SEC24A: variants seen among roughly 807,000 people sequenced by gnomAD.
The protein encoded by SEC24A is protein transport protein Sec24A.
In SEC24A, 93 loss-of-function variants were observed where a neutral mutation model predicts 129.4. That is an observed-to-expected ratio of 0.72 (90% confidence interval 0.61 to 0.85). The LOEUF is 0.85. SEC24A is among the 40% of genes least tolerant of loss of function. The probability of loss-of-function intolerance (pLI) is 0.00; values close to 1 mark genes in which losing one functional copy is unlikely to be tolerated. For missense variants in SEC24A, 1,264 were observed against 1,307.4 expected, an observed-to-expected ratio of 0.97 and a Z score of 0.51; for synonymous variants, 460 against 467.3, an observed-to-expected ratio of 0.98 and a Z score of 0.20.
At chr5:134,690,109 C>A (rs1292452698) in intron 11 of SEC24A, among the ~76,000 whole-genome samples, 2 of 152,214 alleles carry the variant, frequency 1.3e-5, no homozygotes, top group East Asian at 3.8e-4. Context: ...ACCTCCACCT[C>A]CCAGGTTCAA....
chr5:134,679,353 C>G (rs1034353601), intron 7 of SEC24A, among the ~76,000 whole-genome samples: 1 of 152,094 alleles, frequency 6.6e-6, no homozygotes, highest in Non-Finnish European at 1.5e-5. Context: ...CCACTGTCCC[C>G]AGCCAATAAT....
intron 9 of SEC24A, among the ~76,000 whole-genome samples, chr5:134,684,670 G>A (rs1043266605): frequency 2.0e-5 from 3 of 151,938 alleles, no homozygotes; most frequent in African/African-American, 4.8e-5. Context: ...CCGAGATTGC[G>A]CCACTGCACT....
At position 134,671,819 on chromosome 5, in the gene SEC24A, A is replaced by G. The variant is rs374339441; in HGVS notation, c.750A>G (p.Ser250=). ...GAACTTCCTTCTTAGGTATTACATC[A>G]AATACCAATAACGGATCTATGGTGG... is the stretch of plus-strand genomic sequence containing the variant. ...NSAVNQEGIT[S]NTNNGSMVVH... Residue 250 remains serine (S), a synonymous_variant, in exon 4 of 23, where the codon TCA becomes TCG. Coordinates refer to ENST00000398844, the MANE Select transcript of SEC24A (RefSeq NM_021982.3). 6.3e-7 allele frequency: 1 copy of G among 1,594,296 alleles called. No homozygotes were observed. Among genetic ancestry groups the G allele is most frequent in the African/African-American group, 1.3e-5 (1 of 74,268 alleles).
At chr5:134,721,154 C>T in intron 21 of SEC24A, 64 bp downstream of exon 21, 1 of 927,172 alleles carries the variant, frequency 1.1e-6, no homozygotes, top group East Asian at 2.5e-5. Flanking sequence ...CATGAATATC[C>T]CCTATTTTGA....
intron 2 of SEC24A, among the ~76,000 whole-genome samples, chr5:134,662,075 C>T (rs998107479): frequency 3.6e-4 from 55 of 152,180 alleles, no homozygotes; most frequent in African/African-American, 1.3e-3. Context: ...AGGTAATCCG[C>T]CCACCTCAGC....
At chr5:134,696,774 A>G (rs1310433719) in intron 13 of SEC24A, among the ~76,000 whole-genome samples, 1 of 150,410 alleles carries the variant, frequency 6.6e-6, no homozygotes, top group Non-Finnish European at 1.5e-5. Flanking sequence ...CTGGGATTAC[A>G]GGCGTGAGCC....
chr5:134,653,245 CGTTT>C lies in SEC24A; in HGVS notation c.97+4085_97+4088del, dbSNP rs910265799. ...TGAGCCACCATACCCGTTCCAGTTT[CGTTT>C]GTTTGTTTGTTTTTTAAAGAGCCTG... On this transcript the variant is annotated intron_variant, in intron 1 of 22. Coordinates refer to ENST00000398844, the MANE Select transcript of SEC24A (RefSeq NM_021982.3). Among the ~76,000 whole-genome samples the C allele has an allele frequency of 5.9e-5, 9 of 151,800 alleles. No individual in the cohort carries two copies. In the East Asian group the frequency reaches 1.2e-3, roughly 20 times the overall value.
intron 17 of SEC24A, among the ~76,000 whole-genome samples, chr5:134,705,887 CTTTTTT>C (rs548555016): frequency 2.1e-5 from 3 of 140,566 alleles, no homozygotes; most frequent in Admixed American, 1.4e-4. Flanking sequence ...TTAGCTATAT[CTTTTTT>C]TTTTTTTTTT....
intron 17 of SEC24A, among the ~76,000 whole-genome samples, chr5:134,708,405 C>T (rs1174722985): frequency 6.6e-6 from 1 of 152,164 alleles, no homozygotes; most frequent in Non-Finnish European, 1.5e-5. Flanking sequence ...TGTTTAATTG[C>T]AATGTTTTTC....
intron 11 of SEC24A, among the ~76,000 whole-genome samples, chr5:134,688,790 C>T (rs1751537550): frequency 6.6e-6 from 1 of 152,132 alleles, no homozygotes; most frequent in Admixed American, 6.6e-5. Context: ...AGCAATTCTC[C>T]TGCCTCAGCC....
At chr5:134,671,135 C>CT (rs1427966450) in intron 3 of SEC24A, among the ~76,000 whole-genome samples, 1 of 152,148 alleles carries the variant, frequency 6.6e-6, no homozygotes, top group East Asian at 1.9e-4. Context: ...ACCTCTGCCT[C>CT]TCAGGTTCAA....
At chr5:134,672,162 C>T (rs1053599799) in intron 4 of SEC24A, among the ~76,000 whole-genome samples, 2 of 151,950 alleles carry the variant, frequency 1.3e-5, no homozygotes, top group African/African-American at 2.4e-5. Flanking sequence ...GGACCATAGC[C>T]ACGTGTCACC....
At chr5:134,718,224 T>G in intron 20 of SEC24A, 51 bp downstream of exon 20, 5 of 1,307,940 alleles carry the variant, frequency 3.8e-6, no homozygotes, top group Non-Finnish European at 5.5e-6. Context: ...TATACTGTTT[T>G]AATTTAGCAT....
chr5:134,661,357 T>A lies in SEC24A; in HGVS notation c.336T>A (p.Ala112=). The change falls in exon 2 of 23, where the codon GCT becomes GCA. Residue 112 remains alanine (A), a synonymous_variant. Transcript: ENST00000398844. ...SGPAPRMPLP[A]SQNPATTPMP... is the part of the protein sequence containing the mutation. ...CTGCTCCCCGAATGCCATTACCTGC[T>A]TCTCAGAACCCAGCTACTACACCAA... is the stretch of plus-strand genomic sequence containing the variant. The A allele has an allele frequency of 6.2e-7, 1 of 1,614,196 alleles. No individual in the cohort carries two copies. The highest frequency in any genetic ancestry group is 1.1e-5 in the South Asian group (1 of 91,088).
intron 1 of SEC24A, among the ~76,000 whole-genome samples, chr5:134,655,062 A>G (rs1278403876): frequency 6.6e-6 from 1 of 152,068 alleles, no homozygotes; most frequent in African/African-American, 2.4e-5. Flanking sequence ...GCTGGTCTCA[A>G]AATCCTGACC....
chr5:134,666,802 G>C, intron 2 of SEC24A, 21 bp from the exon 3 acceptor site: 1 of 1,612,950 alleles, frequency 6.2e-7, no homozygotes, highest in Middle Eastern at 1.7e-4. Context: ...AGTGACGTGT[G>C]AAAAACCAAT....
intron 15 of SEC24A, among the ~76,000 whole-genome samples, chr5:134,702,406 T>C (rs1752030691): frequency 6.6e-6 from 1 of 152,250 alleles, no homozygotes; most frequent in Non-Finnish European, 1.5e-5. Flanking sequence ...AAAAACATTA[T>C]TGATAAAGCT....
intron 11 of SEC24A, among the ~76,000 whole-genome samples, chr5:134,689,778 A>G (rs1007134405): frequency 1.3e-5 from 2 of 151,996 alleles, no homozygotes; most frequent in East Asian, 3.9e-4. Flanking sequence ...AAAAAAAAAA[A>G]AACGTATAAT....
chr5:134,710,497 T>G (rs1159908204), intron 18 of SEC24A, among the ~76,000 whole-genome samples: 1 of 152,150 alleles, frequency 6.6e-6, no homozygotes, highest in Admixed American at 6.5e-5. Context: ...CCTCCTAAAG[T>G]GCAGGGATTA....
Sources: allele counts gnomAD v4.1 joint callset (sites outside exome capture counted in the v4.1 genomes callset), GRCh38; gene constraint gnomAD v4.1.1; transcripts MANE v1.5; gene names NCBI Gene and HGNC (gene_info 2026-07-23, HGNC 2026-07-21).